The following THSD4 variants were observed in gnomAD, a reference collection of about 807,000 sequenced individuals.
The protein encoded by THSD4 is thrombospondin type-1 domain-containing protein 4.
THSD4 carries 69 observed loss-of-function variants against 119.0 expected under a neutral mutation model. That is an observed-to-expected ratio of 0.58 (90% CI 0.48 to 0.71). THSD4 has a LOEUF of 0.71. THSD4 is among the 30% of genes least tolerant of loss of function. The pLI is 0.00. For synonymous variants in THSD4, 524 were observed against 540.4 expected, an observed-to-expected ratio of 0.97 and a Z score of 0.42; for missense variants, 1,393 against 1,391.1, an observed-to-expected ratio of 1.00 and a Z score of -0.02.
At chr15:71,544,307 G>A (rs974805353) in intron 7 of THSD4, among the ~76,000 whole-genome samples, 1 of 152,108 alleles carries the variant, frequency 6.6e-6, no homozygotes, top group Non-Finnish European at 1.5e-5. Context: ...CTGTTGTCAT[G>A]GTTACATGAA....
At chr15:71,424,342 G>A (rs1052801357) in intron 7 of THSD4, among the ~76,000 whole-genome samples, 3 of 152,094 alleles carry the variant, frequency 2.0e-5, no homozygotes, top group African/African-American at 7.2e-5. Context: ...GGAGGGTTGG[G>A]GAACAGAGAA....
chr15:71,765,142 G>T lies in THSD4; in HGVS notation c.2712G>T (p.Gln904His). The change falls in exon 16 of 18, where the codon CAG becomes CAT. Residue 904 changes from glutamine (Q) to histidine (H), a missense_variant. By Grantham distance (24) the Gln-to-His change is conservative. Transcript: ENST00000261862. ...CTTTCCTGGAGAAACCCCCCAGCCA[G>T]CAATCCTGCCACCTCAAGCCTTGCG... ...ECSFLEKPPS[Q>H]QSCHLKPCGA... 6.2e-7 allele frequency: 1 copy of T among 1,614,220 alleles called. No homozygotes were observed. Among genetic ancestry groups the T allele is most frequent in the Non-Finnish European group, 8.5e-7 (1 of 1,180,040 alleles).
At chr15:71,290,134 G>A (rs1280629134) in intron 6 of THSD4, among the ~76,000 whole-genome samples, 2 of 152,156 alleles carry the variant, frequency 1.3e-5, no homozygotes, top group Non-Finnish European at 2.9e-5. Context: ...AGCTGCCTTA[G>A]TCTCCCCTAC....
intron 6 of THSD4, chr15:71,348,367 C>T (rs1221250931): frequency 6.6e-6 from 1 of 152,230 alleles, no homozygotes; most frequent in Non-Finnish European, 1.5e-5. Flanking sequence ...GTTGTTGCTG[C>T]TCTGAGGACC....
Position 71,383,160 on chromosome 15 carries a change from C to G in THSD4, c.1016-28527C>G, listed in dbSNP as rs191985667. On this transcript the variant is annotated intron_variant, in intron 6 of 17. Transcript: ENST00000261862. Reference sequence around the variant, plus strand: ...CTACTTTTTGAATTTCTCCAAATTGCTGTAAATAGAGGAAACTGGTTTTGG... The same window carrying G: ...CTACTTTTTGAATTTCTCCAAATTGGTGTAAATAGAGGAAACTGGTTTTGG... Among the ~76,000 whole-genome samples the G allele has an allele frequency of 1.2e-3, 190 of 152,222 alleles. 1 individual carries two copies. The highest frequency in any genetic ancestry group is 4.6e-3 in the Admixed American group (70 of 15,286).
chr15:71,722,314 A>T (rs986767319), intron 8 of THSD4, among the ~76,000 whole-genome samples: 5 of 152,202 alleles, frequency 3.3e-5, no homozygotes, highest in Non-Finnish European at 7.3e-5. Flanking sequence ...GTGGCATTTT[A>T]AAAATTATTT....
At chr15:71,399,408 A>T (rs200163703) in intron 6 of THSD4, among the ~76,000 whole-genome samples, 2 of 152,332 alleles carry the variant, frequency 1.3e-5, no homozygotes, top group East Asian at 3.9e-4. Context: ...CTAAAAAGGG[A>T]AGAGAAGTTC....
At position 71,780,931 on chromosome 15, in the gene THSD4, C is replaced by A; in HGVS notation, c.*3557C>A. On this transcript the variant is annotated 3_prime_UTR_variant, in exon 18 of 18. Coordinates refer to ENST00000261862, the MANE Select transcript of THSD4 (RefSeq NM_024817.3). ...AAATCCAGATATTACCAGGACCTGT[C>A]TAAACAAATGTTGTGGGTTTTCTTT... is the stretch of plus-strand genomic sequence containing the variant. 1 of 380,356 alleles carries A rather than the reference C, an allele frequency of 2.6e-6. No individual in the cohort carries two copies. Among genetic ancestry groups the A allele is most frequent in the Non-Finnish European group, 5.2e-6 (1 of 191,200 alleles). The allele number at this position is 380,356 out of a possible 1,614,324, so 23.6% of individuals were successfully genotyped here. A position where few individuals can be genotyped will look rare whatever the true frequency, so the allele number is the denominator to read the frequency against.
At chr15:71,442,579 A>AAAAT (rs1195413080) in intron 7 of THSD4, among the ~76,000 whole-genome samples, 4 of 39,862 alleles carry the variant, frequency 1.0e-4, no homozygotes, top group African/African-American at 1.5e-4. Flanking sequence ...AAAAAAAAAA[A>AAAAT]ATATATATAT....
At chr15:71,695,584 T>A (rs2052149375) in intron 8 of THSD4, among the ~76,000 whole-genome samples, 1 of 151,934 alleles carries the variant, frequency 6.6e-6, no homozygotes. Flanking sequence ...TGAGTTTTGC[T>A]GATTGCAGAG....
chr15:71,690,136 A>G (rs1308537874), intron 8 of THSD4, among the ~76,000 whole-genome samples: 2 of 152,216 alleles, frequency 1.3e-5, no homozygotes, highest in Admixed American at 6.5e-5. Flanking sequence ...AGCCAGAGTG[A>G]TCTTTGCAGA....
At chr15:71,514,775 A>G (rs2048333246) in intron 7 of THSD4, among the ~76,000 whole-genome samples, 1 of 152,248 alleles carries the variant, frequency 6.6e-6, no homozygotes, top group African/African-American at 2.4e-5. Flanking sequence ...TTAAACAAAA[A>G]TGGGATCATA....
rs554396220 is a variant in THSD4, at chr15:71,641,738, A to G, written c.1153-18792A>G. Among the ~76,000 whole-genome samples the G allele has an allele frequency of 5.3e-5, 8 of 152,324 alleles. No homozygotes were observed. In the South Asian group the frequency reaches 1.7e-3, roughly 32 times the overall value. Reference sequence around the variant, plus strand: ...AAAGGGCAAATACTTTGTCACAGAAAGAAGATTCATTAAAGGGATATTTTT... The same window carrying G: ...AAAGGGCAAATACTTTGTCACAGAAGGAAGATTCATTAAAGGGATATTTTT... On this transcript the variant is annotated intron_variant, in intron 7 of 17. Coordinates refer to ENST00000261862, the MANE Select transcript of THSD4 (RefSeq NM_024817.3).
chr15:71,581,260 G>A (rs2049552673), intron 7 of THSD4, among the ~76,000 whole-genome samples: 1 of 152,158 alleles, frequency 6.6e-6, no homozygotes, highest in Admixed American at 6.5e-5. Flanking sequence ...TCTAACAAGT[G>A]TGAGGTGATG....
At chr15:71,340,510 C>T (rs1001843130) in intron 6 of THSD4, among the ~76,000 whole-genome samples, 7 of 152,158 alleles carry the variant, frequency 4.6e-5, no homozygotes, top group African/African-American at 9.6e-5. Flanking sequence ...TGGGAGCTTG[C>T]GCACCCTCTG....
At chr15:71,208,330 A>ATG (rs1214711061) in intron 3 of THSD4, among the ~76,000 whole-genome samples, 1 of 152,150 alleles carries the variant, frequency 6.6e-6, no homozygotes, top group Non-Finnish European at 1.5e-5. Flanking sequence ...CGATCTCAAA[A>ATG]TGTGGTCAGT....
chr15:71,724,572 AC>A (rs1426261290), intron 8 of THSD4, among the ~76,000 whole-genome samples: 1 of 50,974 alleles, frequency 2.0e-5, no homozygotes, highest in African/African-American at 3.7e-5. Context: ...GGCGTGAGGC[AC>A]TACGCCCAGT....
intron 8 of THSD4, among the ~76,000 whole-genome samples, chr15:71,725,857 C>T (rs558281400): frequency 6.6e-6 from 1 of 152,088 alleles, no homozygotes; most frequent in South Asian, 2.1e-4. Context: ...TCTTGGCTCA[C>T]CACAACCTCC....
In THSD4 at chr15:71,141,445, A is replaced by G. The variant is rs2040602976; in HGVS notation, c.-79-4A>G. The G allele has an allele frequency of 2.9e-6, 4 of 1,375,590 alleles. No individual in the cohort carries two copies. Among genetic ancestry groups the G allele is most frequent in the Non-Finnish European group, 4.0e-6 (4 of 1,003,736 alleles). The allele number at this position is 1,375,590 out of a possible 1,614,324, so 85.2% of individuals were successfully genotyped here. A position where few individuals can be genotyped will look rare whatever the true frequency, so the allele number is the denominator to read the frequency against. ...GCTAAAAATAACATTGTTCATTTCC[A>G]TAGGACTTGAACGCAACTCCCAATT... On this transcript the variant is annotated splice_region_variant and splice_polypyrimidine_tract_variant and intron_variant, in intron 1 of 17. Coordinates refer to ENST00000261862, the MANE Select transcript of THSD4 (RefSeq NM_024817.3).
Sources: allele counts gnomAD v4.1 joint callset (sites outside exome capture counted in the v4.1 genomes callset), GRCh38; gene constraint gnomAD v4.1.1; transcripts MANE v1.5; gene names NCBI Gene and HGNC (gene_info 2026-07-23, HGNC 2026-07-21).